The following ZNF85 variants were observed in gnomAD, a reference collection of about 807,000 sequenced individuals.
ZNF85 encodes the protein zinc finger protein 85, also known as zinc finger protein 85 (HPF4, HTF1).
In ZNF85, 50 loss-of-function variants were observed where a neutral mutation model predicts 53.9. The ratio of observed to expected loss-of-function variants is 0.93; its 90% CI spans 0.74 to 1.17. ZNF85 has a LOEUF of 1.17. Among genes scored for constraint, ZNF85 ranks in the 50% most tolerant of loss-of-function variants. ZNF85 has a pLI of 0.00. For missense variants in ZNF85, 747 were observed against 688.5 expected (o/e 1.08, Z -0.95); for synonymous variants, 225 against 226.1 (o/e 1.00, Z 0.04).
Position 20,950,125 on chromosome 19 carries a change from C to T in ZNF85, c.1611C>T (p.Pro537=). ...KHKKIHTGEK[P]YTCEECGKAF... is the part of the protein sequence containing the mutation. Reference sequence around the variant, plus strand: ...AGAAAATTCATACTGGAGAGAAACCCTACACATGTGAAGAATGTGGCAAAG... The same window carrying T: ...AGAAAATTCATACTGGAGAGAAACCTTACACATGTGAAGAATGTGGCAAAG... Residue 537 remains proline, a synonymous_variant, in exon 4 of 4, where the codon CCC becomes CCT. Transcript: ENST00000328178. 2 of 1,612,866 alleles carry T rather than the reference C, an allele frequency of 1.2e-6. No individual in the cohort carries two copies.
At chr19:20,946,887 TAAATC>T (rs2144669422) in intron 3 of ZNF85, among the ~76,000 whole-genome samples, 2 of 151,970 alleles carry the variant, frequency 1.3e-5, no homozygotes, top group African/African-American at 4.8e-5. Flanking sequence ...ATTTTTTTAA[TAAATC>T]CCTTTATTGA....
intron 3 of ZNF85, chr19:20,943,249 A>G (rs1330689921): frequency 5.9e-6 from 1 of 169,750 alleles, no homozygotes; most frequent in Non-Finnish European, 1.3e-5. Context: ...TTATGCTGCA[A>G]TGTAATCCTC....
intron 3 of ZNF85, chr19:20,946,321 C>T (rs984667044): frequency 4.7e-6 from 2 of 424,562 alleles, no homozygotes; most frequent in African/African-American, 2.1e-5. Context: ...AAAAGAATGT[C>T]GTATGAGCTA....
At chr19:20,940,377 A>G (rs572314078) in intron 3 of ZNF85, among the ~76,000 whole-genome samples, 1 of 152,216 alleles carries the variant, frequency 6.6e-6, no homozygotes, top group South Asian at 2.1e-4. Context: ...TCTACAAAAA[A>G]TTTCTTTAAA....
rs1973544180 is a variant in ZNF85, at chr19:20,950,119, G to C, written c.1605G>C (p.Glu535Asp). 3 of 1,613,258 alleles carry C rather than the reference G, an allele frequency of 1.9e-6. No individual in the cohort carries two copies. The highest frequency in any genetic ancestry group is 2.5e-6 in the Non-Finnish European group (3 of 1,179,820). The change falls in exon 4 of 4, where the codon GAG (glutamate) becomes GAC (aspartate). Residue 535 changes from glutamate (E) to aspartate (D), a missense_variant. By Grantham distance (45) the Glu-to-Asp change is conservative (BLOSUM62 2). Coordinates refer to ENST00000328178, the MANE Select transcript of ZNF85 (RefSeq NM_003429.5). ...LTKHKKIHTG[E>D]KPYTCEECGK... Reference sequence around the variant, plus strand: ...AACATAAGAAAATTCATACTGGAGAGAAACCCTACACATGTGAAGAATGTG... The same window carrying C: ...AACATAAGAAAATTCATACTGGAGACAAACCCTACACATGTGAAGAATGTG...
At chr19:20,939,505 A>G (rs112128388) in intron 3 of ZNF85, among the ~76,000 whole-genome samples, 1,799 of 152,222 alleles carry the variant, frequency 0.012, 33 homozygotes, top group African/African-American at 0.034. Context: ...CGCCCACCTC[A>G]GCCTCCCAAA....
chr19:20,924,755 A>G (rs1972840881), intron 1 of ZNF85, among the ~76,000 whole-genome samples: 1 of 152,212 alleles, frequency 6.6e-6, no homozygotes, highest in Non-Finnish European at 1.5e-5. Context: ...TTCTGTTTGT[A>G]AATATTTCCC....
chr19:20,939,253 G>T (rs1260465659), intron 3 of ZNF85, among the ~76,000 whole-genome samples: 5 of 151,990 alleles, frequency 3.3e-5, no homozygotes, highest in Non-Finnish European at 7.4e-5. Flanking sequence ...TTTAGTGTAG[G>T]CTTGTTTTTT....
At chr19:20,944,421 G>C (rs1218149900) in intron 3 of ZNF85, 1 of 150,066 alleles carries the variant, frequency 6.7e-6, no homozygotes, top group Non-Finnish European at 1.5e-5. Flanking sequence ...CTTTTATTTT[G>C]AAAAGTCTTT....
rs1352458558 is a variant in ZNF85, at chr19:20,949,421, A to AC, written c.910dup (p.His304ProfsTer2). On this transcript the variant is annotated frameshift_variant, in exon 4 of 4. Transcript: ENST00000328178. LOFTEE classifies it high-confidence loss of function. ...TTTTAACCGATCTTCAACCCTTACTACCCATAGAAAAATTCATACTGGAGA... is the reference window on the plus strand; with the variant it reads ...TTTTAACCGATCTTCAACCCTTACTACCCCATAGAAAAATTCATACTGGAGA... The AC allele has an allele frequency of 6.2e-7, 1 of 1,609,420 alleles. No individual in the cohort carries two copies.
At position 20,935,164 on chromosome 19, in the gene ZNF85, C is replaced by T. The variant is rs111774369; in HGVS notation, c.229+117C>T. On this transcript the variant is annotated intron_variant, in intron 3 of 3. Coordinates refer to ENST00000328178, the MANE Select transcript of ZNF85 (RefSeq NM_003429.5). ...CTGTGTTCCAAAGAAAATAGTTTCTCAGAAGCCTGAGGTTTCTTTCTTTCT... is the reference window on the plus strand; with the variant it reads ...CTGTGTTCCAAAGAAAATAGTTTCTTAGAAGCCTGAGGTTTCTTTCTTTCT... 3,486 of 615,656 alleles carry T rather than the reference C, an allele frequency of 5.7e-3. 52 individuals are homozygous for T. Among genetic ancestry groups the T allele is most frequent in the African/African-American group, 0.033 (1,753 of 52,360 alleles). The allele number at this position is 615,656 out of a possible 1,614,324, so 38.1% of individuals were successfully genotyped here.
rs754160950 is a variant in ZNF85 at position 20,933,987 on chromosome 19, GTGTGTGTGTGTA to G, written c.4-31_4-20del. On this transcript the variant is annotated intron_variant, in intron 1 of 3. Transcript: ENST00000328178. The stretch of plus-strand genomic sequence containing the variant: ...TGTGTGTGTGTGTGTGTGTGTGTGT[GTGTGTGTGTGTA>G]TGTGTATGTGTGTGTATCTTTCAGG... The G allele has an allele frequency of 2.0e-3, 2,550 of 1,263,584 alleles. 22 individuals are homozygous for G. Among genetic ancestry groups the G allele is most frequent in the South Asian group, 0.019 (1,533 of 78,722 alleles). 78.3% of individuals were successfully genotyped at this position (1,263,584 alleles called of 1,614,324 possible). A position where few individuals can be genotyped will look rare whatever the true frequency, so the allele number is the denominator to read the frequency against.
At chr19:20,945,883 A>G (rs1352529061) in intron 3 of ZNF85, among the ~76,000 whole-genome samples, 2 of 152,220 alleles carry the variant, frequency 1.3e-5, no homozygotes, top group Non-Finnish European at 2.9e-5. Context: ...ACAATGCTGC[A>G]ATAATTATGG....
At chr19:20,931,597 A>ATTTTCT (rs1046066947) in intron 1 of ZNF85, among the ~76,000 whole-genome samples, 23 of 122,050 alleles carry the variant, frequency 1.9e-4, no homozygotes, top group Non-Finnish European at 2.5e-4. Flanking sequence ...ATGTGGCCAT[A>ATTTTCT]TTTTCTTTTT....
Position 20,949,561 on chromosome 19 carries a change from A to G in ZNF85, c.1047A>G (p.Lys349=). The G allele has an allele frequency of 6.3e-7, 1 of 1,598,404 alleles. No individual in the cohort carries two copies. Among genetic ancestry groups the G allele is most frequent in the Non-Finnish European group, 8.6e-7 (1 of 1,169,040 alleles). The part of the protein sequence containing the change: ...EKPYKCKKCG[K]AFNQSAHLTT... Reference sequence around the variant, plus strand: ...CCTACAAATGTAAAAAATGTGGAAAAGCCTTTAACCAGTCTGCACACCTTA... The same window carrying G: ...CCTACAAATGTAAAAAATGTGGAAAGGCCTTTAACCAGTCTGCACACCTTA... The change falls in exon 4 of 4, where the codon AAA becomes AAG. Residue 349 remains lysine (K), a synonymous_variant. Transcript: ENST00000328178.
At chr19:20,934,702 A>C (rs1248346630) in intron 2 of ZNF85, among the ~76,000 whole-genome samples, 1 of 150,464 alleles carries the variant, frequency 6.6e-6, no homozygotes, top group Non-Finnish European at 1.5e-5. Flanking sequence ...GCATGAACTC[A>C]GGAGGCGGAG....
intron 3 of ZNF85, among the ~76,000 whole-genome samples, chr19:20,942,147 A>G (rs1973312153): frequency 6.6e-6 from 1 of 151,088 alleles, no homozygotes; most frequent in Non-Finnish European, 1.5e-5. Flanking sequence ...TTGTTATTGT[A>G]GCTTTTATAT....
chr19:20,928,902 CA>C (rs1458108004), intron 1 of ZNF85, among the ~76,000 whole-genome samples: 3 of 152,060 alleles, frequency 2.0e-5, no homozygotes, highest in Non-Finnish European at 4.4e-5. Flanking sequence ...GATTTTGGTT[CA>C]GGGGTACACG....
At chr19:20,925,263 C>T (rs1223271268) in intron 1 of ZNF85, among the ~76,000 whole-genome samples, 5 of 152,008 alleles carry the variant, frequency 3.3e-5, no homozygotes, top group African/African-American at 7.3e-5. Context: ...TTGAGACCAG[C>T]ATGGCCAATA....
Sources: allele counts gnomAD v4.1 joint callset (sites outside exome capture counted in the v4.1 genomes callset), GRCh38; gene constraint gnomAD v4.1.1; transcripts MANE v1.5; gene names NCBI Gene and HGNC (gene_info 2026-07-23, HGNC 2026-07-21).